TMEM131L: variants seen among roughly 807,000 people sequenced by gnomAD.
TMEM131L encodes transmembrane protein 131-like.
Under a neutral mutation model 192.2 loss-of-function variants are expected in TMEM131L, and 54 were observed. The observed-to-expected ratio is 0.28, with a 90% CI of 0.23 to 0.35. The LOEUF (loss-of-function observed/expected upper bound fraction) is 0.35. Among genes scored for constraint, TMEM131L ranks in the 10% least tolerant of loss-of-function variants. TMEM131L has a pLI of 1.00. For synonymous variants in TMEM131L, 701 were observed against 704.9 expected (o/e 0.99, Z 0.09); for missense variants, 1,888 against 1,972.9 (o/e 0.96, Z 0.82).
rs1462346995 is a variant in TMEM131L at position 153,634,261 on chromosome 4, T to C, written c.4398T>C (p.Asp1466=). The part of the protein sequence containing the change: ...SSAYCPLELN[D]YNAFPEENMN... Reference sequence around the variant, plus strand: ...CATACTGTCCATTGGAATTGAACGATTACAATGCCTTTCCAGAAGGTAAGG... The same window carrying C: ...CATACTGTCCATTGGAATTGAACGACTACAATGCCTTTCCAGAAGGTAAGG... Residue 1466 remains aspartate, a synonymous_variant, in exon 33 of 35, where the codon GAT becomes GAC. Coordinates refer to ENST00000409959, the MANE Select transcript of TMEM131L (RefSeq NM_001131007.2). 16 of 1,613,762 alleles carry C rather than the reference T, an allele frequency of 9.9e-6. No individual in the cohort carries two copies. The highest frequency in any genetic ancestry group is 1.3e-5 in the Non-Finnish European group (15 of 1,179,666).
chr4:153,500,157 A>G (rs28751964), intron 3 of TMEM131L, among the ~76,000 whole-genome samples: 7,105 of 151,738 alleles, frequency 0.047, 228 homozygotes, highest in Admixed American at 0.076. Flanking sequence ...CTGGAGTGCA[A>G]TGGTACAATC....
intron 3 of TMEM131L, among the ~76,000 whole-genome samples, chr4:153,543,995 AG>A (rs562728489): frequency 8.1e-4 from 123 of 152,334 alleles, no homozygotes; most frequent in African/African-American, 2.9e-3. Flanking sequence ...CTTGAGGCAG[AG>A]GGGGTTTGTG....
chr4:153,596,478 A>C, intron 20 of TMEM131L, 93 bp downstream of exon 20: 1 of 1,471,492 alleles, frequency 6.8e-7, no homozygotes, highest in Non-Finnish European at 9.4e-7. Flanking sequence ...CTTCTCAGTC[A>C]GACCTTCAGG....
chr4:153,486,848 G>A (rs1475578781), intron 3 of TMEM131L, among the ~76,000 whole-genome samples: 2 of 152,242 alleles, frequency 1.3e-5, no homozygotes, highest in African/African-American at 4.8e-5. Context: ...AGCACAACCC[G>A]GCTTTGCCTA....
intron 3 of TMEM131L, among the ~76,000 whole-genome samples, chr4:153,520,924 T>C (rs1251734607): frequency 6.6e-6 from 1 of 152,228 alleles, no homozygotes; most frequent in Non-Finnish European, 1.5e-5. Flanking sequence ...TTGGATCCTT[T>C]ACTTCCTGGA....
At chr4:153,539,674 C>T (rs752929697) in intron 3 of TMEM131L, among the ~76,000 whole-genome samples, 43 of 151,586 alleles carry the variant, frequency 2.8e-4, no homozygotes, top group Non-Finnish European at 5.5e-4. Context: ...TTGCTCCTGC[C>T]GGCTCCTTTA....
At chr4:153,611,212 T>C (rs946590105) in intron 25 of TMEM131L, among the ~76,000 whole-genome samples, 2 of 152,252 alleles carry the variant, frequency 1.3e-5, no homozygotes, top group African/African-American at 2.4e-5. Flanking sequence ...GGACCTTCCA[T>C]GAAACAGTCA....
chr4:153,521,499 G>C (rs1379594880), intron 3 of TMEM131L, among the ~76,000 whole-genome samples: 1 of 152,096 alleles, frequency 6.6e-6, no homozygotes, highest in Non-Finnish European at 1.5e-5. Context: ...TTTTTACTTA[G>C]TTATTTTTTA....
At chr4:153,593,385 C>G (rs369910090) in intron 18 of TMEM131L, among the ~76,000 whole-genome samples, 2 of 152,096 alleles carry the variant, frequency 1.3e-5, no homozygotes, top group East Asian at 3.9e-4. Flanking sequence ...CACTAGATGC[C>G]AGTAGGAACT....
intron 7 of TMEM131L, among the ~76,000 whole-genome samples, chr4:153,561,708 A>G (rs1316807333): frequency 1.3e-5 from 2 of 152,064 alleles, no homozygotes; most frequent in Admixed American, 6.5e-5. Flanking sequence ...TTCATTTTTC[A>G]TTTATCCAAG....
chr4:153,625,420 A>G (rs1424330189), intron 29 of TMEM131L, among the ~76,000 whole-genome samples: 1 of 152,136 alleles, frequency 6.6e-6, no homozygotes, highest in Non-Finnish European at 1.5e-5. Flanking sequence ...TTAGTTAAGA[A>G]AAACTACAAG....
intron 34 of TMEM131L, 125 bp downstream of exon 34, chr4:153,635,696 CT>C: frequency 1.8e-6 from 2 of 1,107,960 alleles, no homozygotes; most frequent in South Asian, 1.6e-5. Context: ...TGGCTTGCTT[CT>C]TTTAGATCAC....
chr4:153,605,107 G>A (rs913717519), intron 25 of TMEM131L, among the ~76,000 whole-genome samples: 2 of 152,172 alleles, frequency 1.3e-5, no homozygotes, highest in African/African-American at 4.8e-5. Context: ...TTTAACAGCT[G>A]CCACCATCTC....
intron 3 of TMEM131L, among the ~76,000 whole-genome samples, chr4:153,500,239 C>A (rs1212678528): frequency 1.3e-5 from 2 of 151,994 alleles, no homozygotes; most frequent in African/African-American, 2.4e-5. Flanking sequence ...TAGCTAGGAC[C>A]ACAGGCTTAT....
intron 33 of TMEM131L, among the ~76,000 whole-genome samples, chr4:153,634,541 T>TAGA (rs1282090369): frequency 6.6e-6 from 1 of 152,170 alleles, no homozygotes; most frequent in Non-Finnish European, 1.5e-5. Context: ...TCCAGTTAGG[T>TAGA]AGAACTAGGT....
chr4:153,532,984 CTTTTTTTTT>C (rs70963190), intron 3 of TMEM131L, among the ~76,000 whole-genome samples: 2 of 129,694 alleles, frequency 1.5e-5, no homozygotes, highest in African/African-American at 2.9e-5. Flanking sequence ...TTTCTCAATT[CTTTTTTTTT>C]TTTTTTTTTG....
intron 3 of TMEM131L, among the ~76,000 whole-genome samples, chr4:153,540,130 A>AC (rs1334452627): frequency 7.8e-6 from 1 of 128,888 alleles, no homozygotes; most frequent in Non-Finnish European, 1.5e-5. Context: ...AAACAAAAAA[A>AC]CAAAAAAAAA....
At position 153,555,279 on chromosome 4, in the gene TMEM131L, C is replaced by A. The variant is rs1737904575; in HGVS notation, c.309-508C>A. Among the ~76,000 whole-genome samples the A allele has an allele frequency of 6.6e-6, 1 of 152,178 alleles. No individual in the cohort carries two copies. Among genetic ancestry groups the A allele is most frequent in the Non-Finnish European group, 1.5e-5 (1 of 68,032 alleles). ...ACCTCCCCAAAAAGTCTCTTTTACT[C>A]AGAAAACATAACCCTAAGAAAAATT... On this transcript the variant is annotated intron_variant, in intron 4 of 34. Transcript: ENST00000409959. This position sits in a 1 kb window ranked among gnomAD's most constrained non-coding sequence, Gnocchi z 4.1.
intron 7 of TMEM131L, among the ~76,000 whole-genome samples, chr4:153,573,876 T>G (rs1455379316): frequency 1.3e-5 from 2 of 152,238 alleles, no homozygotes; most frequent in Non-Finnish European, 2.9e-5. Flanking sequence ...CCCAAGCATC[T>G]AAATTATTTG....
Sources: gnomAD v4.1 joint callset for allele counts (sites outside exome capture counted in the v4.1 genomes callset) on GRCh38, gnomAD v4.1.1 for gene constraint, Gnocchi (gnomAD v3.1) non-coding constraint, MANE v1.5 for transcripts, NCBI Gene and HGNC (gene_info 2026-07-23, HGNC 2026-07-21) for gene names.